Variants in DOK6 observed in about 807,000 individuals in gnomAD.
DOK6 encodes downstream of tyrosine kinase 6.
Under a neutral mutation model 44.0 loss-of-function variants are expected in DOK6, and 22 were observed. The ratio of observed to expected loss-of-function variants is 0.50; its 90% CI spans 0.36 to 0.71. The LOEUF is 0.71. Ranked by LOEUF, DOK6 falls within the 30% of genes least tolerant of loss-of-function variation. DOK6 has a pLI of 0.00. For synonymous variants in DOK6, 166 were observed against 145.5 expected (o/e 1.14, Z -1.01); for missense variants, 340 against 416.4 (o/e 0.82, Z 1.60).
At chr18:69,672,039 T>TA (rs1238199714) in intron 3 of DOK6, among the ~76,000 whole-genome samples, 10 of 152,178 alleles carry the variant, frequency 6.6e-5, no homozygotes, top group Admixed American at 6.5e-4. Context: ...TCTACACTGT[T>TA]ATGGAAATGT....
intron 7 of DOK6, among the ~76,000 whole-genome samples, chr18:69,801,789 C>G (rs1980912758): frequency 6.6e-6 from 1 of 152,192 alleles, no homozygotes; most frequent in South Asian, 2.1e-4. Flanking sequence ...GTGCTTTTCC[C>G]TTGCCTGGGC....
intron 6 of DOK6, among the ~76,000 whole-genome samples, chr18:69,751,929 A>G (rs930651855): frequency 6.6e-6 from 1 of 152,178 alleles, no homozygotes; most frequent in Non-Finnish European, 1.5e-5. Context: ...ATAAAGCTAC[A>G]ATTTACAATT....
At chr18:69,497,344 G>A (rs901463863) in intron 1 of DOK6, among the ~76,000 whole-genome samples, 6 of 152,192 alleles carry the variant, frequency 3.9e-5, no homozygotes, top group Admixed American at 2.0e-4. Flanking sequence ...ACCAAATGTC[G>A]TCTGATGACA....
chr18:69,464,584 T>C (rs1022804111), intron 1 of DOK6, among the ~76,000 whole-genome samples: 6 of 152,370 alleles, frequency 3.9e-5, no homozygotes, highest in Middle Eastern at 3.4e-3. Context: ...ACTTTTGCCC[T>C]GCAAAATTAA....
At chr18:69,579,142 C>G (rs1424470854) in intron 2 of DOK6, among the ~76,000 whole-genome samples, 1 of 152,130 alleles carries the variant, frequency 6.6e-6, no homozygotes, top group Non-Finnish European at 1.5e-5. Flanking sequence ...TTTAATTTCT[C>G]TACTCAGAAT....
chr18:69,813,484 C>T (rs1981304463), intron 7 of DOK6, among the ~76,000 whole-genome samples: 2 of 151,338 alleles, frequency 1.3e-5, no homozygotes, highest in Non-Finnish European at 2.9e-5. Context: ...TTGGGGAGGC[C>T]CAAATAGAAG....
chr18:69,632,337 T>C (rs1010025243), intron 3 of DOK6, among the ~76,000 whole-genome samples: 5 of 152,214 alleles, frequency 3.3e-5, no homozygotes, highest in Non-Finnish European at 7.3e-5. Context: ...TAGTTTTTAA[T>C]ATATGTAGCT....
chr18:69,761,121 G>T (rs990651325), intron 7 of DOK6, among the ~76,000 whole-genome samples: 6 of 123,860 alleles, frequency 4.8e-5, no homozygotes, highest in Non-Finnish European at 8.6e-5. Flanking sequence ...TGCCTTTCCC[G>T]GGGGCCGGTT....
chr18:69,461,753 G>C (rs1979794393), intron 1 of DOK6, among the ~76,000 whole-genome samples: 1 of 152,054 alleles, frequency 6.6e-6, no homozygotes, highest in Non-Finnish European at 1.5e-5. Context: ...GCAAATTTTT[G>C]AAGTGACTTC....
At chr18:69,795,425 T>C (rs1980716022) in intron 7 of DOK6, among the ~76,000 whole-genome samples, 1 of 152,198 alleles carries the variant, frequency 6.6e-6, no homozygotes, top group South Asian at 2.1e-4. Flanking sequence ...ACTATTTCTA[T>C]AGAGCTAAAA....
chr18:69,402,160 C>G (rs942394218), intron 1 of DOK6, among the ~76,000 whole-genome samples: 1 of 151,962 alleles, frequency 6.6e-6, no homozygotes, highest in Non-Finnish European at 1.5e-5. Flanking sequence ...CCCTGGGGAG[C>G]GCGCGATGTA....
intron 1 of DOK6, among the ~76,000 whole-genome samples, chr18:69,549,079 G>T (rs1403687441): frequency 7.0e-6 from 1 of 143,764 alleles, no homozygotes; most frequent in Non-Finnish European, 1.5e-5. Flanking sequence ...CTGGGTGAAA[G>T]AGTGAGACTC....
intron 1 of DOK6, among the ~76,000 whole-genome samples, chr18:69,552,630 C>T (rs1462137640): frequency 6.6e-6 from 1 of 152,124 alleles, no homozygotes; most frequent in Non-Finnish European, 1.5e-5. Flanking sequence ...TTTTAATTTT[C>T]TTCATACTGG....
chr18:69,843,325 T>G lies in DOK6; in HGVS notation c.*1942T>G, dbSNP rs975416106. 6.6e-6 allele frequency: 1 copy of G among 152,248 alleles called. No homozygotes were observed. Among genetic ancestry groups the G allele is most frequent in the Non-Finnish European group, 1.5e-5 (1 of 68,054 alleles). The allele number at this position is 152,248 out of a possible 1,614,324, so 9.4% of individuals were successfully genotyped here. The stretch of plus-strand genomic sequence containing the variant: ...CATAGCTTTTGGGGTTAAACACTTG[T>G]GAATTTCTTTTGCACATGGCATTTG... On this transcript the variant is annotated 3_prime_UTR_variant, in exon 8 of 8. Coordinates refer to ENST00000382713, the MANE Select transcript of DOK6 (RefSeq NM_152721.6).
At chr18:69,612,444 CGCATGTGTGCGAGCGT>C (rs1446912246) in intron 3 of DOK6, among the ~76,000 whole-genome samples, 21 of 149,470 alleles carry the variant, frequency 1.4e-4, no homozygotes, top group African/African-American at 2.5e-5. Flanking sequence ...TGTGCGAGGG[CGCATGTGTGCGAGCGT>C]GCATATGTAT....
At chr18:69,664,571 G>A (rs998921522) in intron 3 of DOK6, among the ~76,000 whole-genome samples, 2 of 152,090 alleles carry the variant, frequency 1.3e-5, no homozygotes, top group African/African-American at 2.4e-5. Flanking sequence ...AACCACTAGC[G>A]GCCCTCTTCT....
intron 3 of DOK6, among the ~76,000 whole-genome samples, chr18:69,653,367 G>C (rs1162421250): frequency 1.3e-5 from 2 of 151,992 alleles, no homozygotes; most frequent in Non-Finnish European, 2.9e-5. Context: ...GACTTGGGGA[G>C]CTGAGGTCCC....
Position 69,843,702 on chromosome 18 carries a change from A to C in DOK6, c.*2319A>C, listed in dbSNP as rs1982286002. The C allele has an allele frequency of 6.6e-6, 1 of 152,258 alleles. No individual in the cohort carries two copies. The highest frequency in any genetic ancestry group is 2.4e-5 in the African/African-American group (1 of 41,472). The allele number at this position is 152,258 out of a possible 1,614,324, so 9.4% of individuals were successfully genotyped here. On this transcript the variant is annotated 3_prime_UTR_variant, in exon 8 of 8. Transcript: ENST00000382713. ...GATCATTACCAATGAATATAACTGAAGGAGCACCAAAGATCAGGCATAACC... is the reference window on the plus strand; with the variant it reads ...GATCATTACCAATGAATATAACTGACGGAGCACCAAAGATCAGGCATAACC...
At chr18:69,596,898 G>T (rs4353548) in intron 2 of DOK6, among the ~76,000 whole-genome samples, 36,711 of 151,920 alleles carry the variant, frequency 0.24, 5,059 homozygotes, top group Middle Eastern at 0.37. Flanking sequence ...CAACACAAAG[G>T]AGGTGGTGGC....
Sources: gnomAD v4.1 joint callset for allele counts (sites outside exome capture counted in the v4.1 genomes callset) on GRCh38, gnomAD v4.1.1 for gene constraint, MANE v1.5 for transcripts, NCBI Gene and HGNC (gene_info 2026-07-23, HGNC 2026-07-21) for gene names.